FAM209B: variants seen among roughly 807,000 people sequenced by gnomAD.
FAM209B encodes family with sequence similarity 209 member B.
In FAM209B, 8 loss-of-function variants were observed where a neutral mutation model predicts 8.9. The ratio of observed to expected loss-of-function variants is 0.90; its 90% CI spans 0.53 to 1.62. The LOEUF (loss-of-function observed/expected upper bound fraction) is 1.62. Ranked by LOEUF, FAM209B falls within the 40% of genes most tolerant of loss-of-function variation. The probability of loss-of-function intolerance (pLI) is 0.00; values close to 1 mark genes in which losing one functional copy is unlikely to be tolerated. For missense variants in FAM209B, 175 were observed against 205.3 expected (o/e 0.85, Z 0.90); for synonymous variants, 67 against 75.0 (o/e 0.89, Z 0.55).
At chr20:56,534,532 C>T (rs879915747) in intron 1 of FAM209B, among the ~76,000 whole-genome samples, 4 of 150,106 alleles carry the variant, frequency 2.7e-5, no homozygotes, top group Non-Finnish European at 5.9e-5. Context: ...GGGTGAATCA[C>T]GAGGTCAGGA....
rs1985966250 is a variant in FAM209B at position 56,536,245 on chromosome 20, A to G, written c.323A>G (p.Tyr108Cys). 1 of 1,606,592 alleles carries G rather than the reference A, an allele frequency of 6.2e-7. No individual in the cohort carries two copies. The highest frequency in any genetic ancestry group is 1.7e-4 in the Middle Eastern group (1 of 6,024). The part of the protein sequence containing the change: ...PLKKNQNASL[Y>C]KDCVFNTLNE... ...AAGAAAAATCAAAATGCTTCTCTTT[A>G]CAAAGACTGTGTATTCAATACCTTA... The change falls in exon 2 of 2, where the codon TAC (tyrosine) becomes TGC (cysteine). Residue 108 changes from tyrosine (Y) to cysteine (C), a missense_variant. Physicochemically the swap from Tyr to Cys is radical, Grantham distance 194. Coordinates refer to ENST00000371325, the MANE Select transcript of FAM209B (RefSeq NM_001013646.4).
chr20:56,535,428 C>A (rs1239299921), intron 1 of FAM209B, among the ~76,000 whole-genome samples: 1 of 147,676 alleles, frequency 6.8e-6, no homozygotes, highest in Non-Finnish European at 1.5e-5. Flanking sequence ...CCTGTCTCTA[C>A]AAAAATACAA....
chr20:56,534,747 CAAAAAAAAAA>C lies in FAM209B; in HGVS notation c.249+1173_249+1182del, dbSNP rs74181055. 5.8e-3 allele frequency among the ~76,000 whole-genome samples: 188 copies of C among 32,390 alleles called. 1 individual carries two copies. Among genetic ancestry groups the C allele is most frequent in the African/African-American group, 0.021 (178 of 8,416 alleles). The allele number at this position is 32,390 out of a possible 152,430, so 21.2% of individuals were successfully genotyped here. On this transcript the variant is annotated intron_variant, in intron 1 of 1. Coordinates refer to ENST00000371325, the MANE Select transcript of FAM209B (RefSeq NM_001013646.4). ...CAGGTGACAGAGTGAGACTCTGTCTCAAAAAAAAAAAAAAAAAAAAAAAAAGCTGGGCCCA... is the reference window on the plus strand; with the variant it reads ...CAGGTGACAGAGTGAGACTCTGTCTCAAAAAAAAAAAAAAAGCTGGGCCCA...
At chr20:56,533,893 A>G (rs1367123874) in intron 1 of FAM209B, among the ~76,000 whole-genome samples, 2 of 152,196 alleles carry the variant, frequency 1.3e-5, no homozygotes, top group East Asian at 3.9e-4. Flanking sequence ...GCAGTGGTTC[A>G]TGCTGTAATC....
Position 56,536,379 on chromosome 20 carries a change from C to G in FAM209B, c.457C>G (p.Pro153Ala). 6.2e-7 allele frequency: 1 copy of G among 1,613,854 alleles called. No individual in the cohort carries two copies. The highest frequency in any genetic ancestry group is 8.5e-7 in the Non-Finnish European group (1 of 1,179,944). ...CCTCAAGCTTCGAAGGTCAGAGATG[C>G]CTGCAGATCCATACCATGTCACAAT... ...SNLKLRRSEMPADPYHVTICK... is the reference protein window; with the variant it reads ...SNLKLRRSEMAADPYHVTICK... The change falls in exon 2 of 2, where the codon CCT (proline) becomes GCT (alanine). Residue 153 changes from proline to alanine, a missense_variant. This residue lies in a region of FAM209B where 166 missense variants were observed against 174.5 expected (regional missense o/e 0.95). Coordinates refer to ENST00000371325, the MANE Select transcript of FAM209B (RefSeq NM_001013646.4).
At chr20:56,536,070 C>A in intron 1 of FAM209B, 102 bp from the exon 2 acceptor site, 1 of 1,113,794 alleles carries the variant, frequency 9.0e-7, no homozygotes, top group Non-Finnish European at 1.3e-6. Flanking sequence ...CACTCGAGCA[C>A]TGCTAGAACC....
At position 56,533,481 on chromosome 20, in the gene FAM209B, A is replaced by G. The variant is rs139462653; in HGVS notation, c.140A>G (p.Asn47Ser). The change falls in exon 1 of 2, where the codon AAC becomes AGC. Residue 47 changes from asparagine (N) to serine (S), a missense_variant. Around this residue, in one of 2 missense-constraint regions of FAM209B, gnomAD observed 166 missense variants for 174.5 expected, o/e 0.95. Transcript: ENST00000371325. ...GGAGAGCACTTTCGGATTCGGCAGA[A>G]CCTACCAGAGCACACCCAAGGCTGG... ...PCGEHFRIRQNLPEHTQGWLG... is the reference protein window; with the variant it reads ...PCGEHFRIRQSLPEHTQGWLG... The G allele has an allele frequency of 7.9e-5, 128 of 1,614,146 alleles. 1 individual carries two copies. In the African/African-American group the frequency reaches 1.1e-3, roughly 14 times the overall value.
intron 1 of FAM209B, among the ~76,000 whole-genome samples, chr20:56,534,306 A>G (rs1985885922): frequency 6.6e-6 from 1 of 151,902 alleles, no homozygotes; most frequent in South Asian, 2.1e-4. Context: ...ACAAAATATG[A>G]AACTTCTGTA....
chr20:56,534,829 G>A (rs1327808923), intron 1 of FAM209B, among the ~76,000 whole-genome samples: 2 of 150,086 alleles, frequency 1.3e-5, no homozygotes, highest in South Asian at 4.3e-4. Context: ...CGAGGCGGAC[G>A]GATCATCTGA....
intron 1 of FAM209B, among the ~76,000 whole-genome samples, chr20:56,534,475 G>T (rs1985893894): frequency 6.6e-6 from 1 of 151,874 alleles, no homozygotes; most frequent in Non-Finnish European, 1.5e-5. Flanking sequence ...ATTAGGCCAG[G>T]CGCGGTGGCT....
Position 56,536,179 on chromosome 20 carries a change from G to T in FAM209B, c.257G>T (p.Ser86Ile). Residue 86 changes from serine (S) to isoleucine (I), a missense_variant, in exon 2 of 2, where the codon AGT becomes ATT. Ser to Ile is a moderately radical substitution (Grantham distance 142). Coordinates refer to ENST00000371325, the MANE Select transcript of FAM209B (RefSeq NM_001013646.4). The part of the protein sequence containing the change: ...QRDSEKNKEQ[S>I]PPGLRGFPFR... The stretch of plus-strand genomic sequence containing the variant: ...GAATATCTTTCTTGACAGGAGCAGA[G>T]TCCTCCTGGCCTTCGAGGCTTCCCA... 1 of 1,539,994 alleles carries T rather than the reference G, an allele frequency of 6.5e-7. No individual in the cohort carries two copies. Among genetic ancestry groups the T allele is most frequent in the Non-Finnish European group, 8.7e-7 (1 of 1,145,346 alleles).
In FAM209B at chr20:56,536,201, C is replaced by G; in HGVS notation, c.279C>G (p.Phe93Leu). Reference protein sequence around the residue: ...KEQSPPGLRGFPFRTPLKKNQ... With the variant: ...KEQSPPGLRGLPFRTPLKKNQ... The stretch of plus-strand genomic sequence containing the variant: ...AGAGTCCTCCTGGCCTTCGAGGCTT[C>G]CCATTTCGCACTCCACTAAAGAAAA... Residue 93 changes from phenylalanine to leucine, a missense_variant, in exon 2 of 2, where the codon TTC becomes TTG. Physicochemically the swap from Phe to Leu is conservative, Grantham distance 22 (BLOSUM62 0). Around this residue, in one of 2 missense-constraint regions of FAM209B, gnomAD observed 166 missense variants for 174.5 expected, o/e 0.95. Transcript: ENST00000371325. The G allele has an allele frequency of 6.4e-7, 1 of 1,566,518 alleles. No homozygotes were observed.
intron 1 of FAM209B, 108 bp from the exon 2 acceptor site, chr20:56,536,064 C>A: frequency 1.0e-6 from 1 of 972,828 alleles, no homozygotes; most frequent in Non-Finnish European, 1.4e-6. Context: ...TGCCTGCACT[C>A]GAGCACTGCT....
In FAM209B at chr20:56,536,177, G is replaced by A. The variant is rs1985963630; in HGVS notation, c.255G>A (p.Gln85=). ...CQRDSEKNKE[Q]SPPGLRGFPF... The stretch of plus-strand genomic sequence containing the variant: ...TTGAATATCTTTCTTGACAGGAGCA[G>A]AGTCCTCCTGGCCTTCGAGGCTTCC... The change falls in exon 2 of 2, where the codon CAG becomes CAA. Residue 85 remains glutamine, a synonymous_variant. Coordinates refer to ENST00000371325, the MANE Select transcript of FAM209B (RefSeq NM_001013646.4). 6.5e-7 allele frequency: 1 copy of A among 1,537,802 alleles called. No individual in the cohort carries two copies. The highest frequency in any genetic ancestry group is 1.3e-5 in the South Asian group (1 of 77,110).
At chr20:56,535,658 G>C (rs1985949569) in intron 1 of FAM209B, among the ~76,000 whole-genome samples, 1 of 152,044 alleles carries the variant, frequency 6.6e-6, no homozygotes, top group Non-Finnish European at 1.5e-5. Context: ...CACCAGCCTG[G>C]GTGACAGAGT....
At chr20:56,535,049 CAAAA>C (rs762093801) in intron 1 of FAM209B, among the ~76,000 whole-genome samples, 1 of 121,744 alleles carries the variant, frequency 8.2e-6, no homozygotes, top group Non-Finnish European at 1.7e-5. Flanking sequence ...AACTCTGTCT[CAAAA>C]AAAAAAAAAA....
Position 56,536,338 on chromosome 20 carries a change from C to T in FAM209B, c.416C>T (p.Thr139Ile), listed in dbSNP as rs780628853. The change falls in exon 2 of 2, where the codon ACA becomes ATA. Residue 139 changes from threonine (T) to isoleucine (I), a missense_variant. Physicochemically the swap from Thr to Ile is moderately conservative, Grantham distance 89 (BLOSUM62 -1). This residue lies in a region of FAM209B where 166 missense variants were observed against 174.5 expected (regional missense o/e 0.95). Transcript: ENST00000371325. ...CAGAATCTTAAAGGTGCCATGGCAA[C>T]AGGCAGTGGCAGTAACCTCAAGCTT... ...EVQNLKGAMA[T>I]GSGSNLKLRR... 1.1e-5 allele frequency: 17 copies of T among 1,613,686 alleles called. No individual in the cohort carries two copies. Among genetic ancestry groups the T allele is most frequent in the East Asian group, 2.2e-5 (1 of 44,894 alleles).
At chr20:56,535,131 A>G (rs1265727597) in intron 1 of FAM209B, among the ~76,000 whole-genome samples, 2 of 151,032 alleles carry the variant, frequency 1.3e-5, no homozygotes, top group Non-Finnish European at 2.9e-5. Context: ...CTGAGGCAGG[A>G]GAATCACTTG....
In FAM209B at chr20:56,533,349, C is replaced by T. The variant is rs746274558; in HGVS notation, c.8C>T (p.Thr3Met). ...TCCCCATCTCTGCTCACCATGTGGA[C>T]GCTGAAATCGTCCCTGGTCCTGCTT... MW[T>M]LKSSLVLLLC... The change falls in exon 1 of 2, where the codon ACG (threonine) becomes ATG (methionine). Residue 3 changes from threonine (T) to methionine (M), a missense_variant. By Grantham distance (81) the Thr-to-Met change is moderately conservative. Transcript: ENST00000371325. The T allele has an allele frequency of 8.6e-5, 139 of 1,613,940 alleles. No homozygotes were observed. The highest frequency in any genetic ancestry group is 1.6e-4 in the Middle Eastern group (1 of 6,084).
Sources: allele counts gnomAD v4.1 joint callset (sites outside exome capture counted in the v4.1 genomes callset), GRCh38; gene constraint gnomAD v4.1.1; regional missense constraint gnomAD v4.1.1; transcripts MANE v1.5; gene names NCBI Gene and HGNC (gene_info 2026-07-23, HGNC 2026-07-21).